The following PCA3 variants were observed in gnomAD, a reference collection of about 807,000 sequenced individuals.
The protein encoded by PCA3 is Differential Display code 3.
At chr9:76,773,709 G>A (rs1336443123) in intron 2 of PCA3, among the ~76,000 whole-genome samples, 3 of 152,146 alleles carry the variant, frequency 2.0e-5, no homozygotes, top group Admixed American at 6.5e-5. Context: ...CTCCCAAAGT[G>A]CTGGGATTAC....
At chr9:76,774,971 G>C (rs1351934966) in intron 2 of PCA3, among the ~76,000 whole-genome samples, 10 of 152,118 alleles carry the variant, frequency 6.6e-5, no homozygotes, top group Admixed American at 6.5e-4. Flanking sequence ...CTACTACACA[G>C]ATGAGTTATG....
chr9:76,786,883 AC>A (rs2055040366), intron 2 of PCA3: 1 of 152,204 alleles, frequency 6.6e-6, no homozygotes, highest in South Asian at 2.1e-4. Flanking sequence ...CAAATGAGAA[AC>A]CCAGTGGCTC....
At chr9:76,773,280 A>G (rs1362918156) in intron 2 of PCA3, among the ~76,000 whole-genome samples, 1 of 152,180 alleles carries the variant, frequency 6.6e-6, no homozygotes, top group African/African-American at 2.4e-5. Context: ...AATCCTTTTC[A>G]TTGAAGAAAT....
intron 2 of PCA3, among the ~76,000 whole-genome samples, chr9:76,774,330 GT>G (rs1031148588): frequency 5.3e-5 from 8 of 151,736 alleles, no homozygotes; most frequent in African/African-American, 1.9e-4. Flanking sequence ...TAAAGATGGG[GT>G]TTCACCATGT....
rs144827650 is a variant in PCA3 at position 76,779,389 on chromosome 9, G to A, written n.853-29194G>A. Among the ~76,000 whole-genome samples, 300 of 152,266 alleles carry A rather than the reference G, an allele frequency of 2.0e-3. 2 individuals carry two copies. Among genetic ancestry groups the A allele is most frequent in the Non-Finnish European group, 3.6e-3 (248 of 68,018 alleles). On this transcript the variant is annotated intron_variant and non_coding_transcript_variant, in intron 2 of 5. Coordinates refer to ENST00000644657, the Ensembl canonical transcript of PCA3. Reference sequence around the variant, plus strand: ...TTTACAGTTTCCTTCCAAAGCCAACGTCGAATTTTGAAACATATCAAAGCT... The same window carrying A: ...TTTACAGTTTCCTTCCAAAGCCAACATCGAATTTTGAAACATATCAAAGCT...
chr9:76,784,998 G>C (rs1180819987), intron 2 of PCA3: 1 of 152,016 alleles, frequency 6.6e-6, no homozygotes, highest in Non-Finnish European at 1.5e-5. Context: ...GTGCAAAGAT[G>C]ACTAAGTCCT....
intron 2 of PCA3, among the ~76,000 whole-genome samples, chr9:76,772,339 A>AT (rs1019597175): frequency 2.6e-5 from 4 of 151,772 alleles, no homozygotes; most frequent in African/African-American, 4.8e-5. Flanking sequence ...ATTTATTTTA[A>AT]TTTTTTTTTT....
At chr9:76,781,508 G>C (rs1564290115) in intron 2 of PCA3, among the ~76,000 whole-genome samples, 1 of 152,142 alleles carries the variant, frequency 6.6e-6, no homozygotes, top group African/African-American at 2.4e-5. Flanking sequence ...TATTGTATAT[G>C]CTTGGTTTAT....
chr9:76,777,342 C>T (rs1809460427), intron 2 of PCA3, among the ~76,000 whole-genome samples: 1 of 152,092 alleles, frequency 6.6e-6, no homozygotes, highest in South Asian at 2.1e-4. Context: ...ATAATAAGCA[C>T]AGGAATGGTG....
intron 2 of PCA3, among the ~76,000 whole-genome samples, chr9:76,768,392 C>G (rs2052670122): frequency 6.6e-6 from 1 of 151,978 alleles, no homozygotes; most frequent in Admixed American, 6.6e-5. Context: ...GGGGGTTCAC[C>G]ATGTTGGCCA....
At chr9:76,781,327 C>A (rs191338856) in intron 2 of PCA3, among the ~76,000 whole-genome samples, 227 of 152,198 alleles carry the variant, frequency 1.5e-3, no homozygotes, top group African/African-American at 5.2e-3. Context: ...TCTGATCCCA[C>A]CACCTCTCCA....
At chr9:76,770,249 T>C (rs1269485010) in intron 2 of PCA3, among the ~76,000 whole-genome samples, 2 of 152,180 alleles carry the variant, frequency 1.3e-5, no homozygotes, top group Non-Finnish European at 1.5e-5. Flanking sequence ...AATTAGAGTG[T>C]GTTTATTTTA....
intron 2 of PCA3, among the ~76,000 whole-genome samples, chr9:76,776,295 C>T (rs1448196072): frequency 6.6e-6 from 1 of 152,100 alleles, no homozygotes; most frequent in Non-Finnish European, 1.5e-5. Flanking sequence ...CTCCCGCCTT[C>T]CCACCTTTTG....
At chr9:76,782,631 G>A (rs1257435491) in intron 2 of PCA3, 2 of 152,126 alleles carry the variant, frequency 1.3e-5, no homozygotes, top group African/African-American at 2.4e-5. Context: ...AGTTATAAGC[G>A]CAGAGTTTCT....
At chr9:76,780,477 G>A (rs1481804888) in intron 2 of PCA3, among the ~76,000 whole-genome samples, 3 of 152,064 alleles carry the variant, frequency 2.0e-5, no homozygotes, top group African/African-American at 7.2e-5. Context: ...CACGAGGCCA[G>A]GAGATCAAGA....
chr9:76,775,075 A>AT (rs1215989125), intron 2 of PCA3, among the ~76,000 whole-genome samples: 1 of 152,078 alleles, frequency 6.6e-6, no homozygotes, highest in Non-Finnish European at 1.5e-5. Flanking sequence ...GAAGAAAAAA[A>AT]ATTTGCCCTG....
At chr9:76,782,622 G>A (rs969022180) in intron 2 of PCA3, 2 of 152,198 alleles carry the variant, frequency 1.3e-5, no homozygotes, top group Non-Finnish European at 2.9e-5. Context: ...AAATTTTGGA[G>A]TTATAAGCGC....
intron 2 of PCA3, among the ~76,000 whole-genome samples, chr9:76,779,486 C>T (rs112363972): frequency 0.013 from 1,973 of 152,294 alleles, 20 homozygotes; most frequent in Middle Eastern, 0.031. Flanking sequence ...TGGCTGTCAA[C>T]ATCTAGTCAC....
At chr9:76,783,034 CA>C (rs1436648687) in intron 2 of PCA3, among the ~76,000 whole-genome samples, 3 of 152,264 alleles carry the variant, frequency 2.0e-5, no homozygotes, top group African/African-American at 7.2e-5. Flanking sequence ...TTAAAGTGCC[CA>C]AAACAGTCCA....
Sources: gnomAD v4.1 joint callset for allele counts (sites outside exome capture counted in the v4.1 genomes callset) on GRCh38, gnomAD v4.1.1 for gene constraint, MANE v1.5 for transcripts, NCBI Gene and HGNC (gene_info 2026-07-23, HGNC 2026-07-21) for gene names.